Variants in CPS1 observed in about 807,000 individuals in gnomAD.
CPS1 encodes carbamoyl-phosphate synthase [ammonia], mitochondrial.
CPS1 carries 109 observed loss-of-function variants against 174.6 expected under a neutral mutation model. That is an observed-to-expected ratio of 0.62 (90% CI 0.53 to 0.73). The LOEUF (loss-of-function observed/expected upper bound fraction) is 0.73. Among genes scored for constraint, CPS1 ranks in the 30% least tolerant of loss-of-function variants. CPS1 has a pLI of 0.00. For missense variants in CPS1, 1,689 were observed against 1,821.9 expected (o/e 0.93, Z 1.33); for synonymous variants, 637 against 632.0 (o/e 1.01, Z -0.12).
intron 2 of CPS1, 55 bp downstream of exon 2, chr2:210,573,462 A>G (rs1274515852): frequency 7.8e-7 from 1 of 1,283,100 alleles, no homozygotes. Context: ...AATAACTGGA[A>G]GATCTCACTC....
intron 1 of CPS1, among the ~76,000 whole-genome samples, chr2:210,558,134 C>T (rs1158131046): frequency 6.6e-6 from 1 of 151,860 alleles, no homozygotes; most frequent in African/African-American, 2.4e-5. Context: ...CAGCCTTTAA[C>T]ATTGAGAAGA....
At chr2:210,632,766 A>C (rs1699908007) in intron 21 of CPS1, among the ~76,000 whole-genome samples, 1 of 152,242 alleles carries the variant, frequency 6.6e-6, no homozygotes, top group South Asian at 2.1e-4. Context: ...AAATAACCAG[A>C]GAGACCATGA....
intron 1 of CPS1, among the ~76,000 whole-genome samples, chr2:210,536,781 T>C (rs1349440153): frequency 6.6e-6 from 1 of 152,198 alleles, no homozygotes; most frequent in Non-Finnish European, 1.5e-5. Flanking sequence ...TGCCTGATCT[T>C]ATATCCATTA....
At chr2:210,562,868 G>GT (rs74421812) in intron 1 of CPS1, among the ~76,000 whole-genome samples, 1,486 of 136,428 alleles carry the variant, frequency 0.011, 12 homozygotes, top group African/African-American at 0.028. Flanking sequence ...TTTAAATGGT[G>GT]TTTTTTTTTT....
chr2:210,651,075 G>A (rs1006270864), intron 28 of CPS1, among the ~76,000 whole-genome samples: 16 of 152,092 alleles, frequency 1.1e-4, no homozygotes, highest in Middle Eastern at 3.4e-3. Flanking sequence ...TTTACCCAGT[G>A]GGGTTATTGA....
chr2:210,653,929 G>T, intron 28 of CPS1, 96 bp from the exon 29 acceptor site: 1 of 940,318 alleles, frequency 1.1e-6, no homozygotes, highest in Admixed American at 1.8e-5. Context: ...TGCAAGTATT[G>T]CCCTGATACT....
At chr2:210,517,574 C>G (rs1298434430) in intron 1 of CPS1, among the ~76,000 whole-genome samples, 1 of 151,918 alleles carries the variant, frequency 6.6e-6, no homozygotes, top group African/African-American at 2.4e-5. Context: ...CCTGAAAGGA[C>G]CATAAATCAG....
At chr2:210,539,209 C>T (rs1219162986) in intron 1 of CPS1, among the ~76,000 whole-genome samples, 2 of 152,100 alleles carry the variant, frequency 1.3e-5, no homozygotes, top group Non-Finnish European at 2.9e-5. Context: ...ACATGGGGAA[C>T]ACCTGTGAGG....
chr2:210,555,264 A>G (rs1696876870), upstream of CPS1, among the ~76,000 whole-genome samples: 3 of 152,090 alleles, frequency 2.0e-5, no homozygotes, highest in Middle Eastern at 0.01. Context: ...GTGAATTTGC[A>G]TCCTTCAGTA....
chr2:210,604,911 T>A, intron 16 of CPS1, 191 bp from the exon 17 acceptor site: 1 of 604,070 alleles, frequency 1.7e-6, no homozygotes, highest in Admixed American at 2.7e-5. Context: ...TCAAGCATAT[T>A]CACTGCAGGA....
chr2:210,607,010 G>A, intron 18 of CPS1, 69 bp downstream of exon 18: 1 of 1,379,922 alleles, frequency 7.2e-7, no homozygotes, highest in Non-Finnish European at 1.0e-6. Context: ...TTGACAGATA[G>A]TGGAAGACTG....
At chr2:210,582,228 T>G (rs1457232777) in intron 5 of CPS1, among the ~76,000 whole-genome samples, 2 of 152,190 alleles carry the variant, frequency 1.3e-5, no homozygotes, top group African/African-American at 4.8e-5. Flanking sequence ...TTTAGATTCC[T>G]TATTGTCTCA....
chr2:210,559,204 A>G (rs1574523230), intron 1 of CPS1, among the ~76,000 whole-genome samples: 1 of 152,102 alleles, frequency 6.6e-6, no homozygotes. Flanking sequence ...ATGGTCAGTG[A>G]AGGGCACTGA....
intron 1 of CPS1, among the ~76,000 whole-genome samples, chr2:210,560,796 A>G (rs1697072832): frequency 6.6e-6 from 1 of 152,144 alleles, no homozygotes; most frequent in Non-Finnish European, 1.5e-5. Context: ...AATATAACTC[A>G]TTATCATATT....
chr2:210,489,131 T>C (rs1694799067), intron 1 of CPS1, among the ~76,000 whole-genome samples: 1 of 152,200 alleles, frequency 6.6e-6, no homozygotes, highest in African/African-American at 2.4e-5. Flanking sequence ...ATGGGAAAGC[T>C]TATCTTTAAG....
intron 1 of CPS1, among the ~76,000 whole-genome samples, chr2:210,521,344 G>T (rs1016084001): frequency 1.3e-5 from 2 of 150,870 alleles, no homozygotes; most frequent in Non-Finnish European, 3.0e-5. Flanking sequence ...CAATTTTCAA[G>T]ATTTTTCTCT....
chr2:210,522,750 C>A (rs1340585637), intron 1 of CPS1, among the ~76,000 whole-genome samples: 1 of 151,910 alleles, frequency 6.6e-6, no homozygotes, highest in African/African-American at 2.4e-5. Flanking sequence ...AGCATACCAC[C>A]ATCTTGGTGA....
At chr2:210,671,522 T>A (rs1701301649) in intron 34 of CPS1, 1 of 152,188 alleles carries the variant, frequency 6.6e-6, no homozygotes, top group Non-Finnish European at 1.5e-5. Flanking sequence ...AGAAAATAAA[T>A]CAGCTTGTAC....
At chr2:210,559,902 C>T (rs1040696041) in intron 1 of CPS1, among the ~76,000 whole-genome samples, 1 of 151,960 alleles carries the variant, frequency 6.6e-6, no homozygotes, top group Non-Finnish European at 1.5e-5. Context: ...TTAAACTGAA[C>T]ATTTTAAAGC....
Sources: allele counts gnomAD v4.1 joint callset (sites outside exome capture counted in the v4.1 genomes callset), GRCh38; gene constraint gnomAD v4.1.1; transcripts MANE v1.5; gene names NCBI Gene and HGNC (gene_info 2026-07-23, HGNC 2026-07-21).